Variants in PPARGC1A observed in about 807,000 individuals in gnomAD.
The protein encoded by PPARGC1A is PPARG coactivator 1 alpha.
Under a neutral mutation model 88.7 loss-of-function variants are expected in PPARGC1A, and 25 were observed. The ratio of observed to expected loss-of-function variants is 0.28; its 90% CI spans 0.21 to 0.39. The LOEUF is 0.39. PPARGC1A is among the 10% of genes least tolerant of loss of function. The probability of loss-of-function intolerance (pLI) is 1.00; values close to 1 mark genes in which losing one functional copy is unlikely to be tolerated. For missense variants in PPARGC1A, 880 were observed against 968.7 expected, an observed-to-expected ratio of 0.91 and a Z score of 1.22; for synonymous variants, 363 against 355.6, an observed-to-expected ratio of 1.02 and a Z score of -0.24.
the PPARGC1A span, among the ~76,000 whole-genome samples, chr4:24,320,181 C>T: frequency 1.5e-4 from 23 of 152,196 alleles, no homozygotes; most frequent in Non-Finnish European, 2.9e-4. Flanking sequence ...TGAATCACTG[C>T]CACAATGCTC....
chr4:24,048,586 GCTTCA>G, the PPARGC1A span, among the ~76,000 whole-genome samples: 1 of 152,084 alleles, frequency 6.6e-6, no homozygotes, highest in Non-Finnish European at 1.5e-5. Flanking sequence ...ATGAAATCAG[GCTTCA>G]GACAGGATTC....
the PPARGC1A span, among the ~76,000 whole-genome samples, chr4:24,375,572 A>G: frequency 3.9e-5 from 6 of 152,256 alleles, no homozygotes; most frequent in South Asian, 1.2e-3. Context: ...TTAAGCAACT[A>G]CTCTATACCA....
At chr4:23,897,626 T>C (rs993947317) in intron 1 of PPARGC1A, among the ~76,000 whole-genome samples, 1 of 145,856 alleles carries the variant, frequency 6.9e-6, no homozygotes, top group Non-Finnish European at 1.5e-5. Flanking sequence ...TCAGAGATAT[T>C]GTACAAGAAA....
the PPARGC1A span, among the ~76,000 whole-genome samples, chr4:24,344,528 G>T: frequency 6.6e-6 from 1 of 151,184 alleles, no homozygotes; most frequent in Non-Finnish European, 1.5e-5. Flanking sequence ...TCATATATTC[G>T]TTGGCCATTT....
Position 23,801,931 on chromosome 4 carries a change from T to A in PPARGC1A, c.2142-50A>T, listed in dbSNP as rs186222679. ...AAGCTGGTTAAGAAGTATTAGTATA[T>A]GGGACTGTAACCCTTTCTACTTTGT... is the stretch of plus-strand genomic sequence containing the variant. On this transcript the variant is annotated intron_variant, in intron 11 of 12. Coordinates refer to ENST00000264867, the MANE Select transcript of PPARGC1A (RefSeq NM_013261.5). 99 of 1,602,844 alleles carry A rather than the reference T, an allele frequency of 6.2e-5. No individual in the cohort carries two copies. In the Admixed American group the frequency reaches 1.6e-3, roughly 27 times the overall value.
chr4:24,051,546 A>G, the PPARGC1A span, among the ~76,000 whole-genome samples: 1 of 152,226 alleles, frequency 6.6e-6, no homozygotes, highest in Non-Finnish European at 1.5e-5. Flanking sequence ...AAGCTTAAAA[A>G]GATTAAGGCA....
the PPARGC1A span, among the ~76,000 whole-genome samples, chr4:24,337,617 C>T: frequency 6.6e-6 from 1 of 151,556 alleles, no homozygotes; most frequent in Non-Finnish European, 1.5e-5. Flanking sequence ...TTACTCTTTC[C>T]TCTGTACTTA....
the PPARGC1A span, among the ~76,000 whole-genome samples, chr4:24,109,019 C>A: frequency 2.1e-4 from 30 of 140,736 alleles, no homozygotes; most frequent in Admixed American, 1.6e-3. Context: ...CACACACACA[C>A]CACACACACA....
At chr4:24,111,559 T>TG in the PPARGC1A span, among the ~76,000 whole-genome samples, 1 of 152,216 alleles carries the variant, frequency 6.6e-6, no homozygotes. Flanking sequence ...TCACATTAAA[T>TG]TAAATTGATA....
intron 10 of PPARGC1A, among the ~76,000 whole-genome samples, chr4:23,808,213 T>G (rs1345174806): frequency 7.0e-6 from 1 of 142,100 alleles, no homozygotes; most frequent in East Asian, 2.1e-4. Context: ...ATTGCGCCAC[T>G]GCATTCCAGC....
chr4:24,115,099 TA>T, the PPARGC1A span, among the ~76,000 whole-genome samples: 1 of 152,318 alleles, frequency 6.6e-6, no homozygotes, highest in South Asian at 2.1e-4. Context: ...CAGCATGCTA[TA>T]AATAACACTA....
chr4:23,802,171 A>C (rs1718877555), intron 11 of PPARGC1A, 53 bp downstream of exon 11: 1 of 1,611,992 alleles, frequency 6.2e-7, no homozygotes, highest in Non-Finnish European at 8.5e-7. Flanking sequence ...TTATGGCCAT[A>C]ATTTTTTACA....
the PPARGC1A span, among the ~76,000 whole-genome samples, chr4:23,991,526 A>T: frequency 1.3e-5 from 2 of 151,974 alleles, no homozygotes; most frequent in Admixed American, 6.6e-5. Context: ...CTTCAAAGAG[A>T]TCATAAAAGG....
chr4:23,913,263 TATATAG>T, the PPARGC1A span, among the ~76,000 whole-genome samples: 824 of 56,000 alleles, frequency 0.015, 3 homozygotes, highest in Non-Finnish European at 0.02. Flanking sequence ...TATATATATA[TATATAG>T]AGAGAGAGAG....
the PPARGC1A span, among the ~76,000 whole-genome samples, chr4:24,203,365 C>T: frequency 3.3e-5 from 5 of 152,090 alleles, no homozygotes; most frequent in Non-Finnish European, 5.9e-5. Flanking sequence ...ATGGTAAAAC[C>T]CTGTCTCTAC....
At chr4:24,110,149 A>C in the PPARGC1A span, among the ~76,000 whole-genome samples, 1 of 152,136 alleles carries the variant, frequency 6.6e-6, no homozygotes, top group African/African-American at 2.4e-5. Context: ...CCTTGGCCTG[A>C]ATTCCAGTGC....
chr4:24,094,083 C>A, the PPARGC1A span, among the ~76,000 whole-genome samples: 14 of 152,176 alleles, frequency 9.2e-5, no homozygotes, highest in African/African-American at 3.4e-4. Context: ...ATTCTCAGCC[C>A]GCTCTTTCTC....
the PPARGC1A span, among the ~76,000 whole-genome samples, chr4:23,990,059 AATT>A: frequency 8.9e-5 from 12 of 135,296 alleles, no homozygotes; most frequent in East Asian, 2.2e-4. Flanking sequence ...TAAGCATTAT[AATT>A]ATTAATTATA....
chr4:23,964,121 T>C, the PPARGC1A span, among the ~76,000 whole-genome samples: 1 of 152,202 alleles, frequency 6.6e-6, no homozygotes, highest in Admixed American at 6.5e-5. Context: ...TTGCAAATGC[T>C]TCAATGGTGC....
Sources: gnomAD v4.1 joint callset for allele counts (sites outside exome capture counted in the v4.1 genomes callset) on GRCh38, gnomAD v4.1.1 for gene constraint, MANE v1.5 for transcripts, NCBI Gene and HGNC (gene_info 2026-07-23, HGNC 2026-07-21) for gene names.